WRN: variants seen among roughly 807,000 people sequenced by gnomAD.
The protein encoded by WRN is bifunctional 3'-5' exonuclease/ATP-dependent helicase WRN.
Under a neutral mutation model 180.7 loss-of-function variants are expected in WRN, and 149 were observed. The ratio of observed to expected loss-of-function variants is 0.82; its 90% CI spans 0.72 to 0.94. WRN has a LOEUF of 0.94. Among genes scored for constraint, WRN ranks in the 40% least tolerant of loss-of-function variants. The pLI, the probability that WRN is intolerant of heterozygous loss-of-function variation, is 0.00. For synonymous variants in WRN, 548 were observed against 568.9 expected, an observed-to-expected ratio of 0.96 and a Z score of 0.52; for missense variants, 1,661 against 1,700.1, an observed-to-expected ratio of 0.98 and a Z score of 0.40.
chr8:31,124,684 A>G, intron 22 of WRN, 61 bp downstream of exon 22: 4 of 1,468,890 alleles, frequency 2.7e-6, no homozygotes, highest in African/African-American at 1.4e-5. Context: ...TTTTAAGACA[A>G]CAATTTGGCT....
intron 6 of WRN, among the ~76,000 whole-genome samples, chr8:31,067,714 G>A (rs1812766702): frequency 6.6e-6 from 1 of 152,062 alleles, no homozygotes; most frequent in Non-Finnish European, 1.5e-5. Context: ...TTTATATATA[G>A]CACTATTGTG....
chr8:31,091,724 A>C, intron 15 of WRN, 106 bp from the exon 16 acceptor site: 1 of 1,168,410 alleles, frequency 8.6e-7, no homozygotes. Flanking sequence ...AATTGCAAAG[A>C]ACAGGAATAT....
At chr8:31,100,768 T>G in intron 17 of WRN, 81 bp from the exon 18 acceptor site, 2 of 1,154,426 alleles carry the variant, frequency 1.7e-6, no homozygotes, top group Non-Finnish European at 2.5e-6. Context: ...TGGTTATTTA[T>G]TCTCCTTTGG....
At chr8:31,070,871 A>C (rs1585415774) in intron 7 of WRN, among the ~76,000 whole-genome samples, 1 of 151,848 alleles carries the variant, frequency 6.6e-6, no homozygotes, top group Admixed American at 6.6e-5. Context: ...ATGGTGAAAC[A>C]CCATCTCTAC....
At chr8:31,084,610 A>G (rs933907838) in intron 10 of WRN, among the ~76,000 whole-genome samples, 2 of 152,150 alleles carry the variant, frequency 1.3e-5, no homozygotes, top group Non-Finnish European at 2.9e-5. Context: ...GGAGATTGCC[A>G]AATTATTGAA....
Position 31,096,780 on chromosome 8 carries a change from G to A in WRN, c.1911G>A (p.Arg637=), listed in dbSNP as rs2130202732. The part of the protein sequence containing the change: ...VLTDIKLGKY[R]IVYVTPEYCS... Reference sequence around the variant, plus strand: ...TTTGTTTTTACAGAGGTAAATACCGGATTGTATACGTAACTCCAGAATACT... The same window carrying A: ...TTTGTTTTTACAGAGGTAAATACCGAATTGTATACGTAACTCCAGAATACT... The change falls in exon 17 of 35, where the codon CGG becomes CGA. Residue 637 remains arginine, a synonymous_variant. Coordinates refer to ENST00000298139, the MANE Select transcript of WRN (RefSeq NM_000553.6). The A allele has an allele frequency of 6.2e-7, 1 of 1,610,606 alleles. No individual in the cohort carries two copies. The highest frequency in any genetic ancestry group is 8.5e-7 in the Non-Finnish European group (1 of 1,179,454).
intron 24 of WRN, 100 bp from the exon 25 acceptor site, chr8:31,141,330 T>C: frequency 6.8e-7 from 1 of 1,478,362 alleles, no homozygotes; most frequent in Non-Finnish European, 9.2e-7. Context: ...AAAGTTGAAA[T>C]TTAGTGTAAA....
At chr8:31,035,942 A>C (rs568906993) in intron 1 of WRN, among the ~76,000 whole-genome samples, 1 of 152,068 alleles carries the variant, frequency 6.6e-6, no homozygotes, top group Non-Finnish European at 1.5e-5. Context: ...TTGTCTCTAT[A>C]TAGCTCTCAA....
chr8:31,044,052 T>G (rs975770306), intron 1 of WRN, among the ~76,000 whole-genome samples: 1 of 151,358 alleles, frequency 6.6e-6, no homozygotes, highest in Non-Finnish European at 1.5e-5. Context: ...TTTTTCTTGT[T>G]TTTTTTTTAG....
At chr8:31,154,820 T>A in intron 32 of WRN, 65 bp downstream of exon 32, 1 of 1,594,626 alleles carries the variant, frequency 6.3e-7, no homozygotes, top group Non-Finnish European at 8.6e-7. Context: ...TTTATCAGCT[T>A]TTTAGTATTA....
intron 34 of WRN, among the ~76,000 whole-genome samples, chr8:31,168,422 A>C (rs1255037613): frequency 6.6e-6 from 1 of 150,986 alleles, no homozygotes; most frequent in African/African-American, 2.4e-5. Flanking sequence ...ATATTATTTT[A>C]ACTATATATT....
chr8:31,088,839 A>C (rs371834924), intron 12 of WRN, 51 bp from the exon 13 acceptor site: 55 of 1,439,614 alleles, frequency 3.8e-5, no homozygotes, highest in Non-Finnish European at 5.3e-5. Context: ...TTCTCCCTCT[A>C]TGTGGTGTTT....
At chr8:31,131,658 A>G (rs567054853) in intron 23 of WRN, 1 of 153,462 alleles carries the variant, frequency 6.5e-6, no homozygotes, top group Admixed American at 6.5e-5. Flanking sequence ...GATCTGCCTC[A>G]TTGGCAAACC....
At chr8:31,113,276 C>T (rs1275327062) in intron 19 of WRN, among the ~76,000 whole-genome samples, 1 of 151,214 alleles carries the variant, frequency 6.6e-6, no homozygotes, top group Non-Finnish European at 1.5e-5. Context: ...TAAAGAACAT[C>T]ATTGGTGTTT....
chr8:31,104,948 CTG>C (rs1292479588), intron 18 of WRN, among the ~76,000 whole-genome samples: 17 of 152,094 alleles, frequency 1.1e-4, no homozygotes, highest in African/African-American at 4.1e-4. Flanking sequence ...TGTGAGTAAA[CTG>C]TGTTAGAAAT....
intron 33 of WRN, among the ~76,000 whole-genome samples, chr8:31,158,396 T>C (rs2130484849): frequency 7.4e-6 from 1 of 134,734 alleles, no homozygotes; most frequent in South Asian, 2.2e-4. Context: ...ATATTTTAAA[T>C]TATTATCCTT....
At chr8:31,124,811 A>G (rs1228803805) in intron 22 of WRN, 97 bp from the exon 23 acceptor site, 2 of 1,301,120 alleles carry the variant, frequency 1.5e-6, no homozygotes, top group Non-Finnish European at 1.1e-6. Flanking sequence ...GTCCCAAGTG[A>G]ATCAATTAAT....
chr8:31,066,591 TA>T (rs547311553), intron 5 of WRN, among the ~76,000 whole-genome samples: 35 of 151,892 alleles, frequency 2.3e-4, no homozygotes, highest in East Asian at 5.8e-4. Context: ...ACCAGTAACT[TA>T]AAAAAAAATT....
chr8:31,136,653 T>C (rs967874582), intron 24 of WRN, among the ~76,000 whole-genome samples: 5 of 152,028 alleles, frequency 3.3e-5, no homozygotes, highest in Non-Finnish European at 7.4e-5. Flanking sequence ...CTGGGCAACA[T>C]AGCGAGACTC....
Sources: gnomAD v4.1 joint callset for allele counts (sites outside exome capture counted in the v4.1 genomes callset) on GRCh38, gnomAD v4.1.1 for gene constraint, MANE v1.5 for transcripts, NCBI Gene and HGNC (gene_info 2026-07-23, HGNC 2026-07-21) for gene names.